Variants in RLIM observed in about 807,000 individuals in gnomAD.
The protein encoded by RLIM is E3 ubiquitin-protein ligase RLIM.
RLIM carries 2 observed loss-of-function variants against 34.0 expected under a neutral mutation model. That is an observed-to-expected ratio of 0.06 (90% confidence interval 0.02 to 0.19). The LOEUF is 0.19. RLIM is among the 10% of genes least tolerant of loss of function. The probability of loss-of-function intolerance (pLI) is 1.00; values close to 1 mark genes in which losing one functional copy is unlikely to be tolerated. For synonymous variants in RLIM, 169 were observed against 164.0 expected (o/e 1.03, Z -0.23); for missense variants, 286 against 479.7 (o/e 0.60, Z 3.77).
intron 1 of RLIM, among the ~76,000 whole-genome samples, chrX:74,610,468 C>CAA (rs755948111): frequency 0.058 from 5,303 of 91,508 alleles, 246 homozygotes; most frequent in African/African-American, 0.14. Flanking sequence ...CAAAAAAAAC[C>CAA]AAAAAAAAAA....
Position 74,583,140 on chromosome X carries a change from T to C in RLIM, c.*8300A>G. The C allele has an allele frequency of 1.7e-6, 2 of 1,198,456 alleles. No individual in the cohort carries two copies. The highest frequency in any genetic ancestry group is 2.3e-6 in the Non-Finnish European group (2 of 882,554). ...GTTAACTGCTTTCTGGGCAGTCTCT[T>C]TAGCTTGGTGGGCTTGTAGTACAGC... On this transcript the variant is annotated 3_prime_UTR_variant, in exon 4 of 4. Coordinates refer to ENST00000332687, the MANE Select transcript of RLIM (RefSeq NM_016120.4).
rs865834527 is a variant in RLIM, at chrX:74,613,638, C to T, written c.-24+784G>A. On this transcript the variant is annotated intron_variant, in intron 1 of 3. Transcript: ENST00000332687. ...CTGCAGAAGCAGAGACCCCCCTAGG[C>T]TTTTTTTTTTTTTTTTAATGGGGGA... is the stretch of plus-strand genomic sequence containing the variant. Among the ~76,000 whole-genome samples, 5 of 87,571 alleles carry T rather than the reference C, an allele frequency of 5.7e-5. No individual in the cohort carries two copies. In the East Asian group the frequency reaches 1.8e-3, roughly 32 times the overall value. 76.0% of individuals were successfully genotyped at this position (87,571 alleles called of 115,157 possible).
At chrX:74,612,541 T>C (rs1260006979) in intron 1 of RLIM, 1 of 111,826 alleles carries the variant, frequency 8.9e-6, no homozygotes, top group Non-Finnish European at 1.9e-5. Context: ...ACATGCATTC[T>C]ACACATAAAT....
rs1258629704 is a variant in RLIM, at chrX:74,591,720, G to A, written c.1595C>T (p.Ala532Val). 1 of 1,210,042 alleles carries A rather than the reference G, an allele frequency of 8.3e-7. No individual in the cohort carries two copies. The highest frequency in any genetic ancestry group is 1.7e-5 in the African/African-American group (1 of 57,222). ...ATCCTCATTTAAGAGGAAAAACTGA[G>A]CCAGGCTAAGGAAGGGCAAAGAGCC... ...ESGSLPFLSL[A>V]QFFLLNEDDD... The change falls in exon 4 of 4, where the codon GCT (alanine) becomes GTT (valine). Residue 532 changes from alanine to valine, a missense_variant. Transcript: ENST00000332687.
chrX:74,594,294 A>G lies in RLIM; in HGVS notation c.253+12T>C. 4.2e-6 allele frequency: 5 copies of G among 1,186,185 alleles called. No homozygotes were observed. Among genetic ancestry groups the G allele is most frequent in the Non-Finnish European group, 5.7e-6 (5 of 882,027 alleles). Reference sequence around the variant, plus strand: ...ATCGTCTATCCACCTCCCCACCAAAACCAAAACATACCTCTATTTTCATCT... The same window carrying G: ...ATCGTCTATCCACCTCCCCACCAAAGCCAAAACATACCTCTATTTTCATCT... On this transcript the variant is annotated intron_variant, in intron 3 of 3. Transcript: ENST00000332687.
In RLIM at chrX:74,583,026, TC is replaced by T; in HGVS notation, c.*8413del. ...ATATTTTTTTCCATATTTAAGTTTT[TC>T]GATGTTTAGATATTTTTCTTTGGTG... On this transcript the variant is annotated 3_prime_UTR_variant, in exon 4 of 4. Transcript: ENST00000332687. The T allele has an allele frequency of 1.3e-6, 1 of 742,550 alleles. No homozygotes were observed. The allele number at this position is 742,550 out of a possible 1,213,427, so 61.2% of individuals were successfully genotyped here.
chrX:74,600,308 CA>C (rs984757659), intron 1 of RLIM, among the ~76,000 whole-genome samples: 4 of 107,031 alleles, frequency 3.7e-5, no homozygotes, highest in South Asian at 4.0e-4. Flanking sequence ...CAAAACAAAA[CA>C]AAAAAAAACC....
intron 1 of RLIM, among the ~76,000 whole-genome samples, chrX:74,596,333 C>T (rs1343893916): frequency 8.9e-6 from 1 of 112,317 alleles, no homozygotes; most frequent in Admixed American, 9.4e-5. Context: ...GCAACCTCCA[C>T]CTCCTGGGTT....
intron 1 of RLIM, among the ~76,000 whole-genome samples, chrX:74,599,860 T>C (rs910530961): frequency 1.3e-4 from 15 of 111,519 alleles, no homozygotes; most frequent in Admixed American, 3.8e-4. Flanking sequence ...TAATCCCACA[T>C]ACACCCACAC....
chrX:74,607,768 G>T (rs747374045), intron 1 of RLIM, among the ~76,000 whole-genome samples: 2 of 111,993 alleles, frequency 1.8e-5, no homozygotes, highest in East Asian at 5.6e-4. Context: ...AAACAAAAAA[G>T]AACTTCATAA....
At chrX:74,614,249 G>A (rs1487452918) in intron 1 of RLIM, among the ~76,000 whole-genome samples, 173 bp downstream of exon 1, 2 of 111,092 alleles carry the variant, frequency 1.8e-5, no homozygotes, top group Non-Finnish European at 1.9e-5. Flanking sequence ...AAATGGCAGC[G>A]GCGACTACGC....
At chrX:74,609,086 T>C (rs1420512990) in intron 1 of RLIM, among the ~76,000 whole-genome samples, 2 of 111,922 alleles carry the variant, frequency 1.8e-5, no homozygotes, top group Non-Finnish European at 3.8e-5. Flanking sequence ...TAAAAATCAC[T>C]GATAACTGAC....
At chrX:74,598,589 T>G (rs770389906) in intron 1 of RLIM, among the ~76,000 whole-genome samples, 44 of 110,488 alleles carry the variant, frequency 4.0e-4, no homozygotes, top group African/African-American at 1.2e-3. Flanking sequence ...CCATCCTGGC[T>G]AACACAGTGA....
chrX:74,588,788 G>A lies in RLIM; in HGVS notation c.*2652C>T, dbSNP rs2079599036. The stretch of plus-strand genomic sequence containing the variant: ...AAATGCTCCCTCGAGAATGGTGTTT[G>A]GATGTGGGTGGGGGGAAAACGATTT... On this transcript the variant is annotated 3_prime_UTR_variant, in exon 4 of 4. Transcript: ENST00000332687. The A allele has an allele frequency of 8.9e-6, 1 of 111,866 alleles. No individual in the cohort carries two copies. The highest frequency in any genetic ancestry group is 3.8e-4 in the South Asian group (1 of 2,640). The allele number at this position is 111,866 out of a possible 1,213,427, so 9.2% of individuals were successfully genotyped here.
chrX:74,596,089 T>C (rs1379776765), intron 1 of RLIM, 89 bp from the exon 2 acceptor site: 1 of 524,893 alleles, frequency 1.9e-6, no homozygotes, highest in Admixed American at 5.0e-5. Flanking sequence ...AGAATGTAGG[T>C]CTAGAGATGG....
At chrX:74,598,778 CA>C (rs36109028) in intron 1 of RLIM, among the ~76,000 whole-genome samples, 32,132 of 65,574 alleles carry the variant, frequency 0.49, 7,386 homozygotes, top group East Asian at 0.94. Flanking sequence ...GACTCTGTTT[CA>C]AAAAAAAAAA....
Position 74,584,105 on chromosome X carries a change from A to C in RLIM, c.*7335T>G, listed in dbSNP as rs1171429672. 2.7e-5 allele frequency among the ~76,000 whole-genome samples: 3 copies of C among 111,928 alleles called. No individual in the cohort carries two copies. The highest frequency in any genetic ancestry group is 5.6e-5 in the Non-Finnish European group (3 of 53,233). Reference sequence around the variant, plus strand: ...CTTTTTTTTTCTTGGCAAACCAGCCAAAACTGATGTTTTTCCTAAGAAATC... The same window carrying C: ...CTTTTTTTTTCTTGGCAAACCAGCCCAAACTGATGTTTTTCCTAAGAAATC... On this transcript the variant is annotated 3_prime_UTR_variant, in exon 4 of 4. Coordinates refer to ENST00000332687, the MANE Select transcript of RLIM (RefSeq NM_016120.4).
Position 74,583,151 on chromosome X carries a change from G to A in RLIM, c.*8289C>T. 1 of 1,192,085 alleles carries A rather than the reference G, an allele frequency of 8.4e-7. No homozygotes were observed. The highest frequency in any genetic ancestry group is 1.1e-6 in the Non-Finnish European group (1 of 876,932). ...TCTGGGCAGTCTCTTTAGCTTGGTG[G>A]GCTTGTAGTACAGCTACAGCTTCAT... is the stretch of plus-strand genomic sequence containing the variant. On this transcript the variant is annotated 3_prime_UTR_variant, in exon 4 of 4. Transcript: ENST00000332687.
intron 1 of RLIM, among the ~76,000 whole-genome samples, chrX:74,597,841 G>A (rs1485504948): frequency 1.8e-5 from 2 of 111,495 alleles, no homozygotes; most frequent in African/African-American, 3.3e-5. Context: ...AACATTTGAT[G>A]GGCTAATATT....
Sources: allele counts gnomAD v4.1 joint callset (sites outside exome capture counted in the v4.1 genomes callset), GRCh38; gene constraint gnomAD v4.1.1; transcripts MANE v1.5; gene names NCBI Gene and HGNC (gene_info 2026-07-23, HGNC 2026-07-21).